Variants in BRAF observed in about 807,000 individuals in gnomAD.
BRAF encodes serine/threonine-protein kinase B-raf.
In BRAF, 16 loss-of-function variants were observed where a neutral mutation model predicts 104.6. That is an observed-to-expected ratio of 0.15 (90% CI 0.10 to 0.23). The LOEUF (loss-of-function observed/expected upper bound fraction) is 0.23, where lower values mean the gene tolerates loss of function less well. Among genes scored for constraint, BRAF ranks in the 10% least tolerant of loss-of-function variants. The probability of loss-of-function intolerance (pLI) is 1.00; values close to 1 mark genes in which losing one functional copy is unlikely to be tolerated. For missense variants in BRAF, 541 were observed against 937.3 expected, an observed-to-expected ratio of 0.58 and a Z score of 5.52; for synonymous variants, 310 against 341.6, an observed-to-expected ratio of 0.91 and a Z score of 1.02.
At position 140,781,387 on chromosome 7, in the gene BRAF, C is replaced by T. The variant is rs1488834839; in HGVS notation, c.1552+189G>A. Reference sequence around the variant, plus strand: ...TACTGTAATAAAATGGTAGGAGTCCCGACTGCTGTGAACAGTTTTTATTTC... The same window carrying T: ...TACTGTAATAAAATGGTAGGAGTCCTGACTGCTGTGAACAGTTTTTATTTC... On this transcript the variant is annotated intron_variant, in intron 12 of 19. Transcript: ENST00000644969. 17 of 620,244 alleles carry T rather than the reference C, an allele frequency of 2.7e-5. 1 individual carries two copies. Among genetic ancestry groups the T allele is most frequent in the Middle Eastern group, 4.3e-4 (1 of 2,302 alleles). 38.4% of individuals were successfully genotyped at this position (620,244 alleles called of 1,614,324 possible). A position where few individuals can be genotyped will look rare whatever the true frequency, so the allele number is the denominator to read the frequency against.
chr7:140,854,252 C>T lies in BRAF; in HGVS notation c.139-4040G>A, dbSNP rs558043563. 2.0e-5 allele frequency among the ~76,000 whole-genome samples: 3 copies of T among 152,286 alleles called. No individual in the cohort carries two copies. The East Asian group carries it at 5.8e-4, about 29-fold the overall frequency. The stretch of plus-strand genomic sequence containing the variant: ...AACTCGGCAAAACTGTTTTCTAAGT[C>T]ATAATTTGATAACATAAAGTTGATT... On this transcript the variant is annotated intron_variant, in intron 1 of 19. Coordinates refer to ENST00000644969, the MANE Select transcript of BRAF (RefSeq NM_001374258.1).
intron 5 of BRAF, among the ~76,000 whole-genome samples, chr7:140,807,396 C>T (rs564180264): frequency 7.9e-5 from 12 of 151,700 alleles, no homozygotes; most frequent in Non-Finnish European, 1.3e-4. Flanking sequence ...CCTATTCTTA[C>T]GAATTATTAC....
chr7:140,917,302 C>G (rs1443276596), intron 1 of BRAF, among the ~76,000 whole-genome samples: 1 of 152,136 alleles, frequency 6.6e-6, no homozygotes, highest in Non-Finnish European at 1.5e-5. Flanking sequence ...CTCAGGTGAT[C>G]TGCCCTCCTC....
At chr7:140,821,211 T>G (rs1237285978) in intron 3 of BRAF, among the ~76,000 whole-genome samples, 2 of 151,964 alleles carry the variant, frequency 1.3e-5, no homozygotes, top group African/African-American at 4.8e-5. Context: ...CTTGAACTCC[T>G]GGGCTCAAGC....
intron 11 of BRAF, among the ~76,000 whole-genome samples, chr7:140,782,116 G>A (rs1800938245): frequency 6.6e-6 from 1 of 151,994 alleles, no homozygotes; most frequent in South Asian, 2.1e-4. Flanking sequence ...GTGTCCAAGT[G>A]TTCTCACTGT....
chr7:140,718,572 A>T (rs13220948), downstream of BRAF, among the ~76,000 whole-genome samples: 1 of 149,156 alleles, frequency 6.7e-6, no homozygotes, highest in Admixed American at 6.6e-5. Flanking sequence ...TTTTTAGTAG[A>T]GACAGTTTCA....
At chr7:140,887,186 T>A (rs1226295330) in intron 1 of BRAF, among the ~76,000 whole-genome samples, 1 of 152,202 alleles carries the variant, frequency 6.6e-6, no homozygotes, top group Admixed American at 6.5e-5. Flanking sequence ...TGAGAGAAAC[T>A]GTAGTTCCAA....
At chr7:140,736,307 G>C (rs1425947478) in intron 18 of BRAF, among the ~76,000 whole-genome samples, 1 of 151,740 alleles carries the variant, frequency 6.6e-6, no homozygotes, top group Non-Finnish European at 1.5e-5. Context: ...AACCTCAACT[G>C]ATCCACCCAC....
chr7:140,721,693 C>T lies in BRAF; in HGVS notation c.*4801G>A. On this transcript the variant is annotated 3_prime_UTR_variant, in exon 20 of 20. Coordinates refer to ENST00000644969, the MANE Select transcript of BRAF (RefSeq NM_001374258.1). ...GCATCAGTAATCCATCCCAGTATAA[C>T]ATTTCAAGGATGTGCTGGAGACAAT... 2.0e-6 allele frequency: 3 copies of T among 1,533,638 alleles called. No individual in the cohort carries two copies. Among genetic ancestry groups the T allele is most frequent in the Non-Finnish European group, 2.6e-6 (3 of 1,145,782 alleles).
chr7:140,781,498 T>A (rs1206064490), intron 12 of BRAF, 78 bp downstream of exon 11: 1 of 1,286,764 alleles, frequency 7.8e-7, no homozygotes, highest in African/African-American at 1.5e-5. Context: ...TTTCCTTTGA[T>A]GATATTTTTT....
chr7:140,716,656 G>T (rs568629993), downstream of BRAF, among the ~76,000 whole-genome samples: 1 of 152,294 alleles, frequency 6.6e-6, no homozygotes, highest in South Asian at 2.1e-4. Context: ...AAGTTTTAGG[G>T]TATGGCCTCA....
At chr7:140,883,623 T>C (rs1388523545) in intron 1 of BRAF, among the ~76,000 whole-genome samples, 4 of 152,216 alleles carry the variant, frequency 2.6e-5, no homozygotes, top group Admixed American at 2.6e-4. Flanking sequence ...CCATACACAA[T>C]AGATCATTCT....
chr7:140,770,791 GGT>G (rs1799766197), intron 14 of BRAF, among the ~76,000 whole-genome samples: 1 of 151,996 alleles, frequency 6.6e-6, no homozygotes, highest in Non-Finnish European at 1.5e-5. Flanking sequence ...AAATTAGCCA[GGT>G]GTGGTGGTGG....
Position 140,726,308 on chromosome 7 carries a change from C to T in BRAF, c.*186G>A, listed in dbSNP as rs1795594937. ...GAAGAAACACTGGCAGCAGAGAATT[C>T]TGGTTCCTAAAACATTCTTTCCTCT... On this transcript the variant is annotated 3_prime_UTR_variant, in exon 20 of 20. Transcript: ENST00000644969. 7.0e-7 allele frequency: 1 copy of T among 1,422,444 alleles called. No individual in the cohort carries two copies. Among genetic ancestry groups the T allele is most frequent in the East Asian group, 2.6e-5 (1 of 39,096 alleles). The allele number at this position is 1,422,444 out of a possible 1,614,324, so 88.1% of individuals were successfully genotyped here.
intron 1 of BRAF, among the ~76,000 whole-genome samples, chr7:140,889,801 A>G (rs1294470535): frequency 6.6e-6 from 1 of 152,252 alleles, no homozygotes; most frequent in Non-Finnish European, 1.5e-5. Flanking sequence ...CAAGCTGTCC[A>G]CTGTGGTTAA....
chr7:140,883,428 A>T (rs758595676), intron 1 of BRAF, among the ~76,000 whole-genome samples: 1 of 152,234 alleles, frequency 6.6e-6, no homozygotes, highest in Non-Finnish European at 1.5e-5. Flanking sequence ...GCTTCTAAAA[A>T]TGTGTTTTCA....
chr7:140,798,556 G>A (rs1168239679), intron 7 of BRAF, among the ~76,000 whole-genome samples: 3 of 145,934 alleles, frequency 2.1e-5, no homozygotes, highest in African/African-American at 5.1e-5. Context: ...CACCGCGCCC[G>A]GCCTTTTTTT....
At chr7:140,873,397 A>C (rs6951776) in intron 1 of BRAF, among the ~76,000 whole-genome samples, 45,120 of 151,846 alleles carry the variant, frequency 0.3, 10,748 homozygotes, top group African/African-American at 0.66. Context: ...CTTGAACTCC[A>C]GACCTCAGGT....
At chr7:140,856,618 A>AAG (rs1047783240) in intron 1 of BRAF, among the ~76,000 whole-genome samples, 12 of 152,192 alleles carry the variant, frequency 7.9e-5, no homozygotes, top group Admixed American at 1.3e-4. Flanking sequence ...ATTACTGCTG[A>AAG]AGAGAGAATT....
Sources: allele counts gnomAD v4.1 joint callset (sites outside exome capture counted in the v4.1 genomes callset), GRCh38; gene constraint gnomAD v4.1.1; transcripts MANE v1.5; gene names NCBI Gene and HGNC (gene_info 2026-07-23, HGNC 2026-07-21).